Variants in RYR2 observed in about 807,000 individuals in gnomAD.
RYR2 encodes ryanodine receptor 2, also known as cardiac muscle ryanodine receptor-calcium release channel.
A neutral mutation model predicts 601.1 loss-of-function variants in RYR2; 227 were observed. That is an observed-to-expected ratio of 0.38 (90% CI 0.34 to 0.42). The LOEUF is 0.42. RYR2 is among the 10% of genes least tolerant of loss of function. The pLI is 1.00. For missense variants in RYR2, 4,646 were observed against 6,156.5 expected (o/e 0.75, Z 8.21); for synonymous variants, 2,223 against 2,175.1 (o/e 1.02, Z -0.61).
At chr1:237,072,306 C>T (rs568418489) in intron 1 of RYR2, among the ~76,000 whole-genome samples, 2 of 152,352 alleles carry the variant, frequency 1.3e-5, no homozygotes, top group African/African-American at 2.4e-5. Flanking sequence ...AACCACTGAA[C>T]CCGGCCTGTG....
At chr1:237,552,927 G>A (rs1670548355) in intron 27 of RYR2, among the ~76,000 whole-genome samples, 1 of 151,730 alleles carries the variant, frequency 6.6e-6, no homozygotes, top group Admixed American at 6.6e-5. Flanking sequence ...TAATTACCGA[G>A]GCATATTTTC....
At chr1:237,654,131 T>G (rs1683017665) in intron 51 of RYR2, 143 bp from the exon 52 acceptor site, 2 of 920,300 alleles carry the variant, frequency 2.2e-6, no homozygotes, top group Admixed American at 2.8e-5. Context: ...GATAGTATTC[T>G]CCAAGATAAT....
chr1:237,245,244 G>A (rs927204661), intron 1 of RYR2, among the ~76,000 whole-genome samples: 1 of 151,840 alleles, frequency 6.6e-6, no homozygotes, highest in Non-Finnish European at 1.5e-5. Context: ...AGATAGCTAA[G>A]ATAGCTTGTA....
At chr1:237,237,950 T>TCCTTTCCCCTTTCCTTTCC in intron 1 of RYR2, among the ~76,000 whole-genome samples, 1 of 121,210 alleles carries the variant, frequency 8.3e-6, no homozygotes, top group African/African-American at 4.0e-5. Context: ...CTTTCCCCTT[T>TCCTTTCCCCTTTCCTTTCC]CCTTTCCTTT....
At chr1:237,230,448 T>C (rs1286411519) in intron 1 of RYR2, among the ~76,000 whole-genome samples, 1 of 151,396 alleles carries the variant, frequency 6.6e-6, no homozygotes, top group Non-Finnish European at 1.5e-5. Flanking sequence ...TTATACTACA[T>C]TTTTTTTTCA....
intron 2 of RYR2, among the ~76,000 whole-genome samples, chr1:237,325,855 T>C (rs1297709170): frequency 6.6e-6 from 1 of 152,172 alleles, no homozygotes; most frequent in African/African-American, 2.4e-5. Context: ...TGTGATTTTA[T>C]GTGTGATTTA....
chr1:237,610,140 C>T lies in RYR2; in HGVS notation c.4684-622C>T, dbSNP rs149355954. On this transcript the variant is annotated intron_variant, in intron 35 of 104. Coordinates refer to ENST00000366574, the MANE Select transcript of RYR2 (RefSeq NM_001035.3). The surrounding 1 kb of genome is among the most constrained non-coding windows in gnomAD (Gnocchi z 4.9). ...ATAAATGAAGAAACTTTTGGCAAAG[C>T]AGAGACCTCTCTTTCTTTGACACCA... Among the ~76,000 whole-genome samples, 81 of 152,318 alleles carry T rather than the reference C, an allele frequency of 5.3e-4. No individual in the cohort carries two copies. Among genetic ancestry groups the T allele is most frequent in the Non-Finnish European group, 7.8e-4 (53 of 68,032 alleles).
At chr1:237,618,767 T>C (rs2148621559) in intron 38 of RYR2, among the ~76,000 whole-genome samples, 1 of 152,188 alleles carries the variant, frequency 6.6e-6, no homozygotes, top group Non-Finnish European at 1.5e-5. Context: ...CACCAGGCTG[T>C]AACAAGGTGT....
chr1:237,177,707 T>C (rs895919905), intron 1 of RYR2, among the ~76,000 whole-genome samples: 1 of 152,198 alleles, frequency 6.6e-6, no homozygotes, highest in Non-Finnish European at 1.5e-5. Context: ...TTGATGGTCA[T>C]TAGATTGTTT....
At chr1:237,257,049 A>G (rs1267388829) in intron 1 of RYR2, among the ~76,000 whole-genome samples, 1 of 152,012 alleles carries the variant, frequency 6.6e-6, no homozygotes, top group African/African-American at 2.4e-5. Context: ...GCATACGATA[A>G]GTCTAGAGTC....
chr1:237,061,676 T>TA (rs1405699371), intron 1 of RYR2, among the ~76,000 whole-genome samples: 1 of 152,240 alleles, frequency 6.6e-6, no homozygotes, highest in Admixed American at 6.5e-5. Flanking sequence ...TAGATACGTC[T>TA]ATTGCAAATA....
intron 41 of RYR2, among the ~76,000 whole-genome samples, chr1:237,630,243 C>T (rs1405125781): frequency 6.6e-6 from 1 of 152,068 alleles, no homozygotes; most frequent in Non-Finnish European, 1.5e-5. Context: ...GACAGCCTGA[C>T]TGCTATTTAA....
chr1:237,521,224 C>A (rs1667052128), intron 24 of RYR2, among the ~76,000 whole-genome samples: 4 of 152,126 alleles, frequency 2.6e-5, no homozygotes, highest in Admixed American at 2.6e-4. Context: ...CACCCTGGTA[C>A]CAAAACCAGA....
At chr1:237,691,725 T>C (rs1385297481) in intron 63 of RYR2, among the ~76,000 whole-genome samples, 3 of 152,194 alleles carry the variant, frequency 2.0e-5, no homozygotes, top group Admixed American at 2.0e-4. Context: ...ATTAGAATAA[T>C]TTATGGAATG....
chr1:237,505,964 T>C (rs1665179521), intron 22 of RYR2, among the ~76,000 whole-genome samples: 1 of 152,002 alleles, frequency 6.6e-6, no homozygotes, highest in African/African-American at 2.4e-5. Context: ...GGGGAAGATA[T>C]CAATCACTAG....
At chr1:237,423,036 C>A (rs1309035142) in intron 11 of RYR2, 56 bp from the exon 12 acceptor site, 21 of 1,557,512 alleles carry the variant, frequency 1.3e-5, no homozygotes, top group Admixed American at 2.0e-5. Flanking sequence ...GTTTTAATAG[C>A]TACTCCTTCT....
intron 1 of RYR2, among the ~76,000 whole-genome samples, chr1:237,259,743 T>C (rs1207358670): frequency 6.6e-6 from 1 of 152,138 alleles, no homozygotes; most frequent in African/African-American, 2.4e-5. Context: ...TTTGCCCTTT[T>C]CACAGAACCG....
intron 1 of RYR2, among the ~76,000 whole-genome samples, chr1:237,175,038 G>C (rs1677864292): frequency 6.6e-6 from 1 of 152,176 alleles, no homozygotes; most frequent in Non-Finnish European, 1.5e-5. Flanking sequence ...CCTTAGTCTT[G>C]TTAATAATGT....
intron 1 of RYR2, among the ~76,000 whole-genome samples, chr1:237,110,014 C>T (rs1400185641): frequency 6.6e-6 from 1 of 152,086 alleles, no homozygotes; most frequent in African/African-American, 2.4e-5. Flanking sequence ...AAATTCTAAT[C>T]CCCCGGCCCC....
Sources: allele counts gnomAD v4.1 joint callset (sites outside exome capture counted in the v4.1 genomes callset), GRCh38; gene constraint gnomAD v4.1.1; non-coding constraint Gnocchi (gnomAD v3.1); transcripts MANE v1.5; gene names NCBI Gene and HGNC (gene_info 2026-07-23, HGNC 2026-07-21).